The following NXPH2 variants were observed in gnomAD, a reference collection of about 807,000 sequenced individuals.
NXPH2 encodes the protein neurexophilin-2.
A neutral mutation model predicts 19.8 loss-of-function variants in NXPH2; 5 were observed. The ratio of observed to expected loss-of-function variants is 0.25; its 90% CI spans 0.13 to 0.53. NXPH2 has a LOEUF of 0.53. Among genes scored for constraint, NXPH2 ranks in the 20% least tolerant of loss-of-function variants. The pLI, the probability that NXPH2 is intolerant of heterozygous loss-of-function variation, is 0.96. For missense variants in NXPH2, 289 were observed against 322.8 expected (o/e 0.90, Z 0.80); for synonymous variants, 154 against 127.4 (o/e 1.21, Z -1.41).
intron 1 of NXPH2, among the ~76,000 whole-genome samples, chr2:138,753,069 A>C (rs1681849670): frequency 6.6e-6 from 1 of 152,178 alleles, no homozygotes; most frequent in Non-Finnish European, 1.5e-5. Context: ...TATTATGCAC[A>C]GCCCACGCTT....
At position 138,670,888 on chromosome 2, in the gene NXPH2, A is replaced by G. The variant is rs774691831; in HGVS notation, c.*34T>C. Reference sequence around the variant, plus strand: ...TTTCTTTGTCATTCTAATCAAATACATATGTATCCCTCATTTCCACCACAG... The same window carrying G: ...TTTCTTTGTCATTCTAATCAAATACGTATGTATCCCTCATTTCCACCACAG... On this transcript the variant is annotated 3_prime_UTR_variant, in exon 2 of 2. Transcript: ENST00000272641. 9 of 1,586,152 alleles carry G rather than the reference A, an allele frequency of 5.7e-6. No individual in the cohort carries two copies. In the South Asian group the frequency reaches 5.8e-5, roughly 10 times the overall value.
At chr2:138,706,823 A>G (rs1051628572) in intron 1 of NXPH2, among the ~76,000 whole-genome samples, 3 of 151,842 alleles carry the variant, frequency 2.0e-5, no homozygotes, top group African/African-American at 7.3e-5. Flanking sequence ...AGATGACTTG[A>G]GCCCAGGTGG....
chr2:138,763,261 C>A (rs548501955), intron 1 of NXPH2, among the ~76,000 whole-genome samples: 3 of 152,064 alleles, frequency 2.0e-5, no homozygotes, highest in African/African-American at 7.2e-5. Context: ...AGAATAAACA[C>A]AAAATCAGAA....
chr2:138,756,873 A>G (rs903634247), intron 1 of NXPH2, among the ~76,000 whole-genome samples: 1 of 152,154 alleles, frequency 6.6e-6, no homozygotes, highest in African/African-American at 2.4e-5. Context: ...TTTTGGACCA[A>G]TGAAGGAATG....
intron 1 of NXPH2, among the ~76,000 whole-genome samples, chr2:138,771,481 A>G (rs922208404): frequency 6.6e-6 from 1 of 152,150 alleles, no homozygotes; most frequent in Non-Finnish European, 1.5e-5. Flanking sequence ...AGTACTAAAA[A>G]AAAAAAAAAT....
At chr2:138,735,679 C>A (rs1681528254) in intron 1 of NXPH2, among the ~76,000 whole-genome samples, 1 of 152,146 alleles carries the variant, frequency 6.6e-6, no homozygotes, top group South Asian at 2.1e-4. Flanking sequence ...CATGTCTTCC[C>A]AAAAGTCCCC....
chr2:138,698,094 G>A (rs1364279368), intron 1 of NXPH2, among the ~76,000 whole-genome samples: 1 of 151,948 alleles, frequency 6.6e-6, no homozygotes, highest in Non-Finnish European at 1.5e-5. Flanking sequence ...CAATATCAAT[G>A]GTGACGAATG....
intron 1 of NXPH2, among the ~76,000 whole-genome samples, chr2:138,708,405 T>C (rs946299400): frequency 1.8e-4 from 28 of 152,242 alleles, no homozygotes; most frequent in African/African-American, 6.3e-4. Flanking sequence ...TGCAAAGGAC[T>C]GTATTGATTG....
chr2:138,780,168 C>G (rs539199628), intron 1 of NXPH2, 23 bp downstream of exon 1: 1 of 1,476,128 alleles, frequency 6.8e-7, no homozygotes, highest in Non-Finnish European at 8.9e-7. Flanking sequence ...GCGTGTGGGA[C>G]GGCGCGCGGG....
chr2:138,756,265 A>G (rs189160179), intron 1 of NXPH2, among the ~76,000 whole-genome samples: 2 of 152,194 alleles, frequency 1.3e-5, no homozygotes, highest in African/African-American at 4.8e-5. Flanking sequence ...TGATCAAAAC[A>G]TATAATGCCA....
intron 1 of NXPH2, among the ~76,000 whole-genome samples, chr2:138,729,811 A>G (rs1250929005): frequency 6.6e-6 from 1 of 152,054 alleles, no homozygotes; most frequent in Non-Finnish European, 1.5e-5. Context: ...TCCTCTCTTT[A>G]AGGGCTTATG....
chr2:138,773,771 A>T (rs1682213865), intron 1 of NXPH2, among the ~76,000 whole-genome samples: 1 of 152,154 alleles, frequency 6.6e-6, no homozygotes, highest in Non-Finnish European at 1.5e-5. Context: ...GTTTTTAATG[A>T]CCTTAGAATC....
intron 1 of NXPH2, among the ~76,000 whole-genome samples, chr2:138,753,204 A>G (rs1681851150): frequency 6.6e-6 from 1 of 152,158 alleles, no homozygotes; most frequent in African/African-American, 2.4e-5. Context: ...ATAAATGGTT[A>G]TTGATTTTAT....
chr2:138,779,969 C>T (rs1197728140), intron 1 of NXPH2, among the ~76,000 whole-genome samples: 1 of 152,162 alleles, frequency 6.6e-6, no homozygotes, highest in Admixed American at 6.5e-5. Context: ...GCTCAAGTCC[C>T]AACCCGTGCT....
At chr2:138,679,924 A>G (rs977034414) in intron 1 of NXPH2, among the ~76,000 whole-genome samples, 15 of 152,124 alleles carry the variant, frequency 9.9e-5, no homozygotes, top group Admixed American at 9.8e-4. Context: ...CATTGGACTG[A>G]GAAGAAAAAG....
chr2:138,715,226 A>C (rs1681175740), intron 1 of NXPH2, among the ~76,000 whole-genome samples: 1 of 152,174 alleles, frequency 6.6e-6, no homozygotes, highest in African/African-American at 2.4e-5. Context: ...TTATCTATTA[A>C]GTGAGTTTAG....
At chr2:138,753,661 T>G (rs758724388) in intron 1 of NXPH2, among the ~76,000 whole-genome samples, 1 of 152,074 alleles carries the variant, frequency 6.6e-6, no homozygotes, top group Non-Finnish European at 1.5e-5. Context: ...TAAAACTGAG[T>G]GTCTACAGAT....
At chr2:138,753,767 C>T (rs1199326980) in intron 1 of NXPH2, among the ~76,000 whole-genome samples, 1 of 152,144 alleles carries the variant, frequency 6.6e-6, no homozygotes, top group Non-Finnish European at 1.5e-5. Flanking sequence ...CCAGCTCCCA[C>T]TGTACACCAT....
intron 1 of NXPH2, among the ~76,000 whole-genome samples, chr2:138,682,052 T>C (rs1030119917): frequency 6.6e-6 from 1 of 152,180 alleles, no homozygotes; most frequent in Non-Finnish European, 1.5e-5. Context: ...TGCTTACATA[T>C]AGCTTACATA....
Sources: allele counts gnomAD v4.1 joint callset (sites outside exome capture counted in the v4.1 genomes callset), GRCh38; gene constraint gnomAD v4.1.1; transcripts MANE v1.5; gene names NCBI Gene and HGNC (gene_info 2026-07-23, HGNC 2026-07-21).